CACNA1F: variants seen among roughly 807,000 people sequenced by gnomAD.
CACNA1F encodes the protein calcium voltage-gated channel subunit alpha1 F.
CACNA1F carries 59 observed loss-of-function variants against 143.8 expected under a neutral mutation model. That is an observed-to-expected ratio of 0.41 (90% confidence interval 0.33 to 0.51). The LOEUF is 0.51. Ranked by LOEUF, CACNA1F falls within the 20% of genes least tolerant of loss-of-function variation. The pLI, the probability that CACNA1F is intolerant of heterozygous loss-of-function variation, is 0.22. For missense variants in CACNA1F, 1,411 were observed against 1,647.5 expected, an observed-to-expected ratio of 0.86 and a Z score of 2.48; for synonymous variants, 643 against 649.1, an observed-to-expected ratio of 0.99 and a Z score of 0.14.
chrX:49,226,019 G>A lies in CACNA1F; in HGVS notation c.1541C>T (p.Ala514Val). The part of the protein sequence containing the change: ...NRVLRARCRR[A>V]VKSNACYWAV... ...CCAGTAGCAGGCATTGGACTTCACT[G>A]CCCGACGGCAGCGTGCCCGAAGGAC... Residue 514 changes from alanine (A) to valine (V), a missense_variant, in exon 13 of 48, where the codon GCA becomes GTA. Coordinates refer to ENST00000323022, the MANE Select transcript of CACNA1F (RefSeq NM_001256789.3). 1 of 1,187,306 alleles carries A rather than the reference G, an allele frequency of 8.4e-7. No homozygotes were observed. The highest frequency in any genetic ancestry group is 1.1e-6 in the Non-Finnish European group (1 of 882,944).
chrX:49,231,024 G>A, intron 3 of CACNA1F, 35 bp from the exon 4 acceptor site: 1 of 1,064,858 alleles, frequency 9.4e-7, no homozygotes. Flanking sequence ...TCGGGAAGTC[G>A]AGGAGTTATT....
At position 49,222,620 on chromosome X, in the gene CACNA1F, C is replaced by T. The variant is rs377479639; in HGVS notation, c.2207-17G>A. On this transcript the variant is annotated splice_polypyrimidine_tract_variant and intron_variant, in intron 16 of 47. Coordinates refer to ENST00000323022, the MANE Select transcript of CACNA1F (RefSeq NM_001256789.3). Reference sequence around the variant, plus strand: ...ACAGGATGTCTGGGATGAGCTTAGGCTGCAAAGGATGGAGAAGCACCCTGC... The same window carrying T: ...ACAGGATGTCTGGGATGAGCTTAGGTTGCAAAGGATGGAGAAGCACCCTGC... 1.0e-4 allele frequency: 125 copies of T among 1,206,420 alleles called. 1 individual carries two copies. The highest frequency in any genetic ancestry group is 1.4e-4 in the Non-Finnish European group (122 of 892,422).
In CACNA1F at chrX:49,220,510, C is replaced by T; in HGVS notation, c.2349G>A (p.Glu783=). ...QENEGLVPGV[E]KEEEEGARRE... ...TCCTTGCACCCTCCTCTTCCTCTTT[C>T]TCCACACCAGGCACCTGAGGACAGG... The change falls in exon 19 of 48, where the codon GAG becomes GAA. Residue 783 remains glutamate (E), a synonymous_variant. Coordinates refer to ENST00000323022, the MANE Select transcript of CACNA1F (RefSeq NM_001256789.3). 1 of 1,208,720 alleles carries T rather than the reference C, an allele frequency of 8.3e-7. No individual in the cohort carries two copies. Among genetic ancestry groups the T allele is most frequent in the Non-Finnish European group, 1.1e-6 (1 of 893,164 alleles).
Position 49,230,471 on chromosome X carries a change from G to A in CACNA1F, c.660C>T (p.Val220=). 1 of 1,209,088 alleles carries A rather than the reference G, an allele frequency of 8.3e-7. No homozygotes were observed. The highest frequency in any genetic ancestry group is 1.8e-5 in the South Asian group (1 of 56,428). The change falls in exon 5 of 48, where the codon GTC becomes GTT. Residue 220 remains valine (V), a synonymous_variant. Transcript: ENST00000323022. ...CTCGGGGGATGTGCCACTCACTCGGGACCCCAGACACCAGCCTCAGTGGCC... is the reference window on the plus strand; with the variant it reads ...CTCGGGGGATGTGCCACTCACTCGGAACCCCAGACACCAGCCTCAGTGGCC... ...VLRPLRLVSG[V]PSLHIVLNSI...
At position 49,217,025 on chromosome X, in the gene CACNA1F, C is replaced by G. The variant is rs144983806; in HGVS notation, c.3090-497G>C. On this transcript the variant is annotated intron_variant, in intron 26 of 47. Transcript: ENST00000323022. Reference sequence around the variant, plus strand: ...CCAGGCTGGAGTGCAGTGGCATGATCTTGGCTCACTGCAACCTCCGCCTCC... The same window carrying G: ...CCAGGCTGGAGTGCAGTGGCATGATGTTGGCTCACTGCAACCTCCGCCTCC... Among the ~76,000 whole-genome samples, 736 of 111,589 alleles carry G rather than the reference C, an allele frequency of 6.6e-3. 5 individuals are homozygous for G. The highest frequency in any genetic ancestry group is 0.023 in the African/African-American group (694 of 30,698).
chrX:49,228,502 C>A, intron 6 of CACNA1F, 55 bp from the exon 7 acceptor site: 1 of 967,883 alleles, frequency 1.0e-6, no homozygotes, highest in Non-Finnish European at 1.5e-6. Context: ...CAGTCGCTGC[C>A]ACCCTGAAGC....
chrX:49,213,730 C>T (rs2065680484), intron 31 of CACNA1F, 89 bp downstream of exon 31: 3 of 625,292 alleles, frequency 4.8e-6, no homozygotes, highest in Admixed American at 2.2e-5. Flanking sequence ...TGCGTGGGAG[C>T]CACCCACCCA....
chrX:49,220,524 C>T lies in CACNA1F; in HGVS notation c.2335G>A (p.Val779Met), dbSNP rs1198626702. The change falls in exon 19 of 48, where the codon GTG becomes ATG. Residue 779 changes from valine to methionine, a missense_variant and splice_region_variant. By Grantham distance (21) the Val-to-Met change is conservative. Coordinates refer to ENST00000323022, the MANE Select transcript of CACNA1F (RefSeq NM_001256789.3). Reference sequence around the variant, plus strand: ...TCTTCCTCTTTCTCCACACCAGGCACCTGAGGACAGGAAGACGGGAGTCAT... The same window carrying T: ...TCTTCCTCTTTCTCCACACCAGGCATCTGAGGACAGGAAGACGGGAGTCAT... ...KDLPQENEGL[V>M]PGVEKEEEEG... 1.7e-6 allele frequency: 2 copies of T among 1,203,853 alleles called. No homozygotes were observed. The highest frequency in any genetic ancestry group is 2.2e-6 in the Non-Finnish European group (2 of 890,161).
Position 49,228,364 on chromosome X carries a change from C to G in CACNA1F, c.901G>C (p.Gly301Arg), listed in dbSNP as rs1557110517. The G allele has an allele frequency of 1.7e-6, 2 of 1,210,530 alleles. No homozygotes were observed. Among genetic ancestry groups the G allele is most frequent in the Admixed American group, 2.2e-5 (1 of 45,982 alleles). ...ACTLNQTECR[G>R]RWPGPNGGIT... ...CCTCCATTGGGCCCTGGCCAGCGCC[C>G]GCGGCACTCAGTCTGGTTCAGCGTG... Residue 301 changes from glycine (G) to arginine (R), a missense_variant, in exon 7 of 48, where the codon GGG becomes CGG. Around this residue, in one of 3 missense-constraint regions of CACNA1F, gnomAD observed 950 missense variants for 1,128.1 expected, o/e 0.84. Transcript: ENST00000323022.
Position 49,231,003 on chromosome X carries a change from CG to C in CACNA1F, c.382-15del. On this transcript the variant is annotated splice_polypyrimidine_tract_variant and intron_variant, in intron 3 of 47. Transcript: ENST00000323022. ...CTCCACCTGCTCCTGGGGGTGGGACCGGGGGGCGGGTCGGGAAGTCGAGGAG... is the reference window on the plus strand; with the variant it reads ...CTCCACCTGCTCCTGGGGGTGGGACCGGGGGCGGGTCGGGAAGTCGAGGAG... 2.9e-5 allele frequency: 15 copies of C among 515,315 alleles called. No individual in the cohort carries two copies. The highest frequency in any genetic ancestry group is 3.9e-5 in the Non-Finnish European group (14 of 356,648). The allele number at this position is 515,315 out of a possible 1,213,427, so 42.5% of individuals were successfully genotyped here.
Position 49,215,476 on chromosome X carries a change from T to C in CACNA1F, c.3304A>G (p.Ile1102Val), listed in dbSNP as rs781874117. ...ATGTAGACAATGAAGAACACTGAGA[T>C]CTCCACACGGTAATTATAGATGGGG... The part of the protein sequence containing the change: ...HGPIYNYRVE[I>V]SVFFIVYIII... Residue 1102 changes from isoleucine to valine, a missense_variant, in exon 28 of 48, where the codon ATC (isoleucine) becomes GTC (valine). This residue lies in a region of CACNA1F where 950 missense variants were observed against 1,128.1 expected (regional missense o/e 0.84). Coordinates refer to ENST00000323022, the MANE Select transcript of CACNA1F (RefSeq NM_001256789.3). 6 of 1,204,313 alleles carry C rather than the reference T, an allele frequency of 5.0e-6. No individual in the cohort carries two copies. In the South Asian group the frequency reaches 1.1e-4, roughly 21 times the overall value.
intron 11 of CACNA1F, 26 bp downstream of exon 11, chrX:49,226,383 C>A (rs782751910): frequency 8.6e-7 from 1 of 1,167,869 alleles, no homozygotes; most frequent in East Asian, 3.1e-5. Flanking sequence ...GGCTTCTGGG[C>A]TGGGTCAGGG....
intron 46 of CACNA1F, 57 bp downstream of exon 46, chrX:49,206,454 C>T: frequency 1.4e-6 from 1 of 734,924 alleles, no homozygotes; most frequent in South Asian, 2.1e-5. Flanking sequence ...GAAATTCAGC[C>T]TAGGCTGCCC....
rs782075717 is a variant in CACNA1F at position 49,205,129 on chromosome X, G to A, written c.*8C>T. 5 of 1,181,443 alleles carry A rather than the reference G, an allele frequency of 4.2e-6. No individual in the cohort carries two copies. The South Asian group carries it at 7.1e-5, about 17-fold the overall frequency. On this transcript the variant is annotated 3_prime_UTR_variant, in exon 48 of 48. Coordinates refer to ENST00000323022, the MANE Select transcript of CACNA1F (RefSeq NM_001256789.3). ...AGGTTTATTGAGCAGTTGGGGAGGG[G>A]TGGGAATTCAGAGGGCGTGGACGCA...
chrX:49,208,907 C>T, intron 42 of CACNA1F: 1 of 442,495 alleles, frequency 2.3e-6, no homozygotes, highest in South Asian at 3.3e-5. Flanking sequence ...CTCACTGTGG[C>T]CTCATCCTCC....
At chrX:49,205,862 G>A (rs1472576722) in intron 46 of CACNA1F, 49 bp from the exon 47 acceptor site, 1 of 1,068,705 alleles carries the variant, frequency 9.4e-7, no homozygotes, top group Non-Finnish European at 1.3e-6. Flanking sequence ...AGTAGGGTAT[G>A]AGGGTCTAGG....
At chrX:49,225,052 T>C in intron 13 of CACNA1F, 66 bp from the exon 14 acceptor site, 2 of 760,482 alleles carry the variant, frequency 2.6e-6, no homozygotes, top group Non-Finnish European at 4.0e-6. Context: ...GGGAGGTAAC[T>C]AGGGACCATG....
chrX:49,231,899 A>G lies in CACNA1F; in HGVS notation c.54T>C (p.Asn18=). The part of the protein sequence containing the change: ...KDTTPEPSPA[N]GAGPGPEWGL... ...CCCATTCGGGACCAGGGCCTGCCCC[A>G]TTGGCTGGACTGGGCTCTGGGGTGG... The change falls in exon 2 of 48, where the codon AAT becomes AAC. Residue 18 remains asparagine (N), a synonymous_variant. Transcript: ENST00000323022. 8.5e-7 allele frequency: 1 copy of G among 1,179,027 alleles called. No homozygotes were observed. The highest frequency in any genetic ancestry group is 1.1e-6 in the Non-Finnish European group (1 of 878,990).
At chrX:49,223,570 T>C (rs782658100) in intron 14 of CACNA1F, among the ~76,000 whole-genome samples, 181 of 71,703 alleles carry the variant, frequency 2.5e-3, no homozygotes, top group African/African-American at 0.01. Context: ...CACTCCAGCC[T>C]GGGCGATAGA....
Sources: gnomAD v4.1 joint callset for allele counts (sites outside exome capture counted in the v4.1 genomes callset) on GRCh38, gnomAD v4.1.1 for gene constraint, gnomAD v4.1.1 regional missense constraint, MANE v1.5 for transcripts, NCBI Gene and HGNC (gene_info 2026-07-23, HGNC 2026-07-21) for gene names.